TJP1: variants seen among roughly 807,000 people sequenced by gnomAD.
The protein encoded by TJP1 is tight junction protein ZO-1.
A neutral mutation model predicts 194.2 loss-of-function variants in TJP1; 43 were observed. The ratio of observed to expected loss-of-function variants is 0.22; its 90% confidence interval spans 0.17 to 0.29. The LOEUF (loss-of-function observed/expected upper bound fraction) is 0.29. TJP1 is among the 10% of genes least tolerant of loss of function. The pLI, the probability that TJP1 is intolerant of heterozygous loss-of-function variation, is 1.00. For missense variants in TJP1, 1,971 were observed against 2,185.7 expected (o/e 0.90, Z 1.96); for synonymous variants, 801 against 779.0 (o/e 1.03, Z -0.47).
At chr15:29,890,666 C>T (rs2053274324) in intron 2 of TJP1, among the ~76,000 whole-genome samples, 1 of 152,046 alleles carries the variant, frequency 6.6e-6, no homozygotes, top group African/African-American at 2.4e-5. Flanking sequence ...ATAGAGTCCG[C>T]TCAATAAAAA....
intron 2 of TJP1, among the ~76,000 whole-genome samples, chr15:29,905,947 T>C (rs567913591): frequency 2.0e-5 from 3 of 152,280 alleles, no homozygotes; most frequent in African/African-American, 7.2e-5. Context: ...TATAAGTCAT[T>C]ATACATTTGT....
intron 1 of TJP1, among the ~76,000 whole-genome samples, chr15:29,805,587 G>T (rs867205631): frequency 3.9e-5 from 6 of 151,992 alleles, no homozygotes; most frequent in Non-Finnish European, 5.9e-5. Flanking sequence ...GTGTTGGGGA[G>T]GCCAAAAAAA....
intron 15 of TJP1, 45 bp downstream of exon 15, chr15:29,732,388 G>C (rs1331097251): frequency 2.0e-6 from 3 of 1,517,926 alleles, no homozygotes; most frequent in Non-Finnish European, 2.7e-6. Flanking sequence ...TCACTTTAGA[G>C]GTGTAACTCC....
chr15:29,773,149 TA>T, intron 3 of TJP1, 83 bp downstream of exon 3: 3 of 1,484,180 alleles, frequency 2.0e-6, no homozygotes, highest in Non-Finnish European at 2.7e-6. Context: ...ACAAAATCAC[TA>T]AGACAGTGTA....
chr15:29,947,715 G>A (rs938702468), intron 2 of TJP1, among the ~76,000 whole-genome samples: 1 of 152,184 alleles, frequency 6.6e-6, no homozygotes, highest in Admixed American at 6.5e-5. Flanking sequence ...AAAGGGCAAA[G>A]CTTCACTAGG....
intron 13 of TJP1, 84 bp downstream of exon 13, chr15:29,733,005 TTTACA>T (rs1347106575): frequency 2.8e-6 from 4 of 1,440,142 alleles, no homozygotes; most frequent in Non-Finnish European, 3.8e-6. Context: ...AAAAGAATTC[TTTACA>T]TTACCAAAAT....
intron 8 of TJP1, among the ~76,000 whole-genome samples, chr15:29,751,267 T>G (rs1340733763): frequency 6.6e-6 from 1 of 152,206 alleles, no homozygotes; most frequent in Non-Finnish European, 1.5e-5. Context: ...TTCCACTTTG[T>G]CATTTTGTAA....
At chr15:29,901,652 T>A (rs1276189630) in intron 2 of TJP1, among the ~76,000 whole-genome samples, 1 of 151,982 alleles carries the variant, frequency 6.6e-6, no homozygotes, top group Admixed American at 6.6e-5. Flanking sequence ...TGAAACCCCA[T>A]CTCTACTAAA....
chr15:29,903,030 G>A (rs1323057972), intron 2 of TJP1, among the ~76,000 whole-genome samples: 1 of 151,960 alleles, frequency 6.6e-6, no homozygotes, highest in Admixed American at 6.6e-5. Context: ...TTTGACCTAA[G>A]TGATTACAGG....
At chr15:29,903,158 T>C (rs904063863) in intron 2 of TJP1, among the ~76,000 whole-genome samples, 4 of 152,110 alleles carry the variant, frequency 2.6e-5, no homozygotes, top group Non-Finnish European at 4.4e-5. Flanking sequence ...TGGCGGCTTC[T>C]GGCTTGGAGA....
chr15:29,797,457 T>A (rs2048487558), intron 2 of TJP1, among the ~76,000 whole-genome samples: 1 of 152,006 alleles, frequency 6.6e-6, no homozygotes, highest in Non-Finnish European at 1.5e-5. Flanking sequence ...GCCAGAGCTT[T>A]ATCAAAACTT....
Position 29,796,327 on chromosome 15 carries a change from T to C in TJP1, c.84+4319A>G, listed in dbSNP as rs558261280. On this transcript the variant is annotated intron_variant, in intron 2 of 27. Transcript: ENST00000614355. ...TTCCTACAACTAGTAATTTTAAGACTGCAAGGTTGCTATAAAAAAAAAAAC... is the reference window on the plus strand; with the variant it reads ...TTCCTACAACTAGTAATTTTAAGACCGCAAGGTTGCTATAAAAAAAAAAAC... Among the ~76,000 whole-genome samples, 17 of 149,450 alleles carry C rather than the reference T, an allele frequency of 1.1e-4. No homozygotes were observed. The South Asian group carries it at 3.4e-3, about 30-fold the overall frequency.
intron 1 of TJP1, among the ~76,000 whole-genome samples, chr15:29,813,278 G>A (rs1468517450): frequency 6.6e-6 from 1 of 151,994 alleles, no homozygotes; most frequent in Non-Finnish European, 1.5e-5. Flanking sequence ...GATAATCATA[G>A]GAACACCAAA....
chr15:29,878,595 T>G (rs927401482), intron 2 of TJP1, among the ~76,000 whole-genome samples: 1 of 151,068 alleles, frequency 6.6e-6, no homozygotes, highest in African/African-American at 2.4e-5. Context: ...ATCTGCAAAA[T>G]TAAAAAAAAA....
At chr15:29,729,998 A>G (rs1446197278) in intron 15 of TJP1, among the ~76,000 whole-genome samples, 1 of 152,212 alleles carries the variant, frequency 6.6e-6, no homozygotes, top group African/African-American at 2.4e-5. Context: ...AAATATGGAC[A>G]GATTTCTGTA....
chr15:29,701,939 A>AGTTTTTT (rs1038485537), intron 27 of TJP1, among the ~76,000 whole-genome samples: 1 of 152,228 alleles, frequency 6.6e-6, no homozygotes. Flanking sequence ...CATTAAGAAC[A>AGTTTTTT]GTTTTTTGTT....
chr15:29,866,744 A>G (rs997460944), intron 2 of TJP1, among the ~76,000 whole-genome samples: 5 of 152,228 alleles, frequency 3.3e-5, no homozygotes, highest in Non-Finnish European at 7.3e-5. Context: ...TTTCACAACA[A>G]CAAATTAACT....
chr15:29,822,102 GC>G lies in TJP1; in HGVS notation c.-75del. The G allele has an allele frequency of 8.1e-7, 1 of 1,232,392 alleles. No individual in the cohort carries two copies. 76.3% of individuals were successfully genotyped at this position (1,232,392 alleles called of 1,614,324 possible). A position where few individuals can be genotyped will look rare whatever the true frequency, so the allele number is the denominator to read the frequency against. On this transcript the variant is annotated 5_prime_UTR_variant, in exon 1 of 28. An upstream open reading frame in the 5' UTR loses its in-frame stop. Coordinates refer to ENST00000614355, the MANE Select transcript of TJP1 (RefSeq NM_001330239.4). The stretch of plus-strand genomic sequence containing the variant: ...CGGCGCTGGCCCGCCCGCTCCTCAC[GC>G]CACAGCCCAAATAAACATCTCCCGA...
rs1414015801 is a variant in TJP1 at position 29,766,363 on chromosome 15, C to T, written c.492G>A (p.Glu164=). ...TGTCTGACCGCGGGGACAAGCTCCT[C>T]TCTCTACTTGCACTTCTATCCCTCG... ...IWPRDRSASR[E]RSLSPRSDRR... The change falls in exon 5 of 28, where the codon GAG becomes GAA. Residue 164 remains glutamate (E), a synonymous_variant. Transcript: ENST00000614355. 1 of 1,614,084 alleles carries T rather than the reference C, an allele frequency of 6.2e-7. No individual in the cohort carries two copies. Among genetic ancestry groups the T allele is most frequent in the East Asian group, 2.2e-5 (1 of 44,884 alleles).
Sources: gnomAD v4.1 joint callset for allele counts (sites outside exome capture counted in the v4.1 genomes callset) on GRCh38, gnomAD v4.1.1 for gene constraint, MANE v1.5 for transcripts, NCBI Gene and HGNC (gene_info 2026-07-23, HGNC 2026-07-21) for gene names.